The following XIRP2 variants were observed in gnomAD, a reference collection of about 807,000 sequenced individuals.
The protein encoded by XIRP2 is xin actin-binding repeat-containing protein 2.
XIRP2 carries 236 observed loss-of-function variants against 277.0 expected under a neutral mutation model. The ratio of observed to expected loss-of-function variants is 0.85; its 90% CI spans 0.77 to 0.95. The LOEUF is 0.95. XIRP2 is among the 40% of genes least tolerant of loss of function. The pLI, the probability that XIRP2 is intolerant of heterozygous loss-of-function variation, is 0.00. For missense variants in XIRP2, 4,640 were observed against 4,157.5 expected (o/e 1.12, Z -3.19); for synonymous variants, 1,490 against 1,416.5 (o/e 1.05, Z -1.17).
At chr2:167,212,755 A>G (rs1476766968) in intron 4 of XIRP2, among the ~76,000 whole-genome samples, 2 of 152,198 alleles carry the variant, frequency 1.3e-5, no homozygotes, top group Non-Finnish European at 2.9e-5. Flanking sequence ...ATATTATAGT[A>G]TATGGTTTGG....
At chr2:167,071,566 A>G (rs942348332) in intron 2 of XIRP2, among the ~76,000 whole-genome samples, 5 of 152,114 alleles carry the variant, frequency 3.3e-5, no homozygotes, top group African/African-American at 1.2e-4. Context: ...TTATTTTCTG[A>G]ACGTAAAGGC....
At chr2:167,176,221 C>T (rs113424167) in intron 3 of XIRP2, among the ~76,000 whole-genome samples, 15,019 of 152,166 alleles carry the variant, frequency 0.099, 795 homozygotes, top group South Asian at 0.15. Flanking sequence ...TGCCCAGTTT[C>T]GTGCTTGAAA....
chr2:167,241,997 T>C, intron 8 of XIRP2, 87 bp downstream of exon 8: 2 of 1,438,518 alleles, frequency 1.4e-6, no homozygotes, highest in East Asian at 2.5e-5. Context: ...ATACTTGAGG[T>C]GGCTTTTCAA....
intron 2 of XIRP2, among the ~76,000 whole-genome samples, chr2:167,025,433 G>GT (rs1157299511): frequency 2.6e-5 from 4 of 151,902 alleles, no homozygotes; most frequent in Admixed American, 6.6e-5. Flanking sequence ...TTTTTGAAGG[G>GT]TTTTTTGTGT....
intron 2 of XIRP2, among the ~76,000 whole-genome samples, chr2:167,020,997 C>G (rs1031671351): frequency 2.0e-5 from 3 of 152,080 alleles, no homozygotes; most frequent in African/African-American, 7.2e-5. Flanking sequence ...GGGTGTTCCA[C>G]ATAAATGGCT....
At chr2:167,222,357 T>G (rs1027917677) in intron 5 of XIRP2, among the ~76,000 whole-genome samples, 65 of 152,250 alleles carry the variant, frequency 4.3e-4, no homozygotes, top group East Asian at 5.8e-4. Flanking sequence ...AGGAGAGAGT[T>G]AGGTGGTGGG....
intron 7 of XIRP2, 100 bp from the exon 8 acceptor site, chr2:167,241,677 T>G: frequency 7.3e-7 from 1 of 1,364,404 alleles, no homozygotes; most frequent in Non-Finnish European, 9.8e-7. Context: ...CCCAAAGTAT[T>G]GGGATTACAG....
chr2:166,935,871 A>G (rs1168123347), intron 2 of XIRP2, among the ~76,000 whole-genome samples: 1 of 152,230 alleles, frequency 6.6e-6, no homozygotes, highest in East Asian at 1.9e-4. Context: ...CGCAATAAAC[A>G]TACGTGAGCA....
At chr2:167,030,490 G>T (rs984003176) in intron 2 of XIRP2, among the ~76,000 whole-genome samples, 2 of 152,062 alleles carry the variant, frequency 1.3e-5, no homozygotes, top group Admixed American at 6.6e-5. Flanking sequence ...TCATTCAGGA[G>T]CAGGTTGTTC....
intron 3 of XIRP2, among the ~76,000 whole-genome samples, chr2:167,137,925 C>A (rs923981336): frequency 6.6e-6 from 1 of 152,124 alleles, no homozygotes; most frequent in African/African-American, 2.4e-5. Context: ...AAATTTCTAT[C>A]TCTGTTGGGA....
At chr2:166,899,488 T>C (rs1468489668) in intron 1 of XIRP2, among the ~76,000 whole-genome samples, 1 of 152,172 alleles carries the variant, frequency 6.6e-6, no homozygotes, top group Non-Finnish European at 1.5e-5. Context: ...ATTTCAAGAT[T>C]CCTTCTTTCA....
At chr2:167,156,772 A>T (rs897714496) in intron 3 of XIRP2, among the ~76,000 whole-genome samples, 5 of 152,184 alleles carry the variant, frequency 3.3e-5, no homozygotes, top group Admixed American at 6.5e-5. Context: ...TAATTTTTTA[A>T]AAATGATCAA....
intron 2 of XIRP2, among the ~76,000 whole-genome samples, chr2:167,082,495 G>A (rs549414388): frequency 2.0e-5 from 3 of 152,034 alleles, no homozygotes; most frequent in African/African-American, 4.8e-5. Flanking sequence ...GGTATTTCTA[G>A]TTCTAGATCC....
chr2:167,174,483 T>A (rs1261972498), intron 3 of XIRP2, among the ~76,000 whole-genome samples: 1 of 152,148 alleles, frequency 6.6e-6, no homozygotes, highest in Non-Finnish European at 1.5e-5. Context: ...TTTTTTATTG[T>A]GTCTATTTGA....
chr2:167,088,880 C>G lies in XIRP2; in HGVS notation c.409-47029C>G, dbSNP rs191730614. ...CCCAAGATAGATCACATTTTCATAG[C>G]ACTCTGAATTCTCATGAATCTAAAT... On this transcript the variant is annotated intron_variant, in intron 2 of 10. Transcript: ENST00000409195. 4.6e-3 allele frequency among the ~76,000 whole-genome samples: 697 copies of G among 152,286 alleles called. 6 individuals are homozygous for G. Among genetic ancestry groups the G allele is most frequent in the Non-Finnish European group, 5.5e-3 (371 of 68,034 alleles).
intron 3 of XIRP2, among the ~76,000 whole-genome samples, chr2:167,151,709 G>T (rs972384700): frequency 6.6e-6 from 1 of 152,100 alleles, no homozygotes; most frequent in South Asian, 2.1e-4. Flanking sequence ...GAAAACGCTT[G>T]CTTCAAAAAT....
At chr2:167,112,966 T>A (rs184548054) in intron 2 of XIRP2, among the ~76,000 whole-genome samples, 2 of 152,258 alleles carry the variant, frequency 1.3e-5, no homozygotes, top group African/African-American at 4.8e-5. Flanking sequence ...TTGATTTCTA[T>A]TTTTAATGTG....
intron 2 of XIRP2, among the ~76,000 whole-genome samples, chr2:167,006,883 C>A (rs1449118529): frequency 6.6e-6 from 1 of 151,618 alleles, no homozygotes; most frequent in African/African-American, 2.4e-5. Flanking sequence ...CTTTCCCATT[C>A]TTTAATATTA....
chr2:167,091,202 G>A (rs898983632), intron 2 of XIRP2, among the ~76,000 whole-genome samples: 1 of 151,732 alleles, frequency 6.6e-6, no homozygotes, highest in African/African-American at 2.4e-5. Context: ...TATCATTCTT[G>A]GCTTCATAGG....
Sources: gnomAD v4.1 joint callset for allele counts (sites outside exome capture counted in the v4.1 genomes callset) on GRCh38, gnomAD v4.1.1 for gene constraint, MANE v1.5 for transcripts, NCBI Gene and HGNC (gene_info 2026-07-23, HGNC 2026-07-21) for gene names.